Variants in IFT140 observed in about 807,000 individuals in gnomAD.
IFT140 encodes the protein intraflagellar transport 140, also known as intraflagellar transport protein 140 homolog.
A neutral mutation model predicts 164.6 loss-of-function variants in IFT140; 133 were observed. That is an observed-to-expected ratio of 0.81 (90% CI 0.70 to 0.93). The LOEUF (loss-of-function observed/expected upper bound fraction) is 0.93, where lower values mean the gene tolerates loss of function less well. Among genes scored for constraint, IFT140 ranks in the 40% least tolerant of loss-of-function variants. The pLI is 0.00. For missense variants in IFT140, 2,045 were observed against 1,972.3 expected (o/e 1.04, Z -0.70); for synonymous variants, 860 against 817.3 (o/e 1.05, Z -0.89).
chr16:1,567,941 G>A (rs1182569766), intron 15 of IFT140, among the ~76,000 whole-genome samples: 1 of 152,218 alleles, frequency 6.6e-6, no homozygotes, highest in African/African-American at 2.4e-5. Flanking sequence ...ACAAGGAATC[G>A]ACTGTTTCGA....
intron 12 of IFT140, among the ~76,000 whole-genome samples, chr16:1,581,277 C>G (rs1359973719): frequency 1.3e-5 from 2 of 152,144 alleles, no homozygotes; most frequent in Non-Finnish European, 2.9e-5. Context: ...TTGCCATCAA[C>G]CACAATTACT....
chr16:1,579,294 T>G (rs144338923), intron 13 of IFT140: 2 of 152,118 alleles, frequency 1.3e-5, no homozygotes, highest in African/African-American at 4.8e-5. Flanking sequence ...GTTGCTGATC[T>G]TGGTGTCTCG....
intron 14 of IFT140, among the ~76,000 whole-genome samples, chr16:1,570,557 G>T (rs528774415): frequency 6.6e-6 from 1 of 152,250 alleles, no homozygotes; most frequent in South Asian, 2.1e-4. Context: ...ACCCCTGTGG[G>T]GAGCAGAATT....
At chr16:1,525,778 C>G in intron 21 of IFT140, 109 bp downstream of exon 21, 1 of 1,127,832 alleles carries the variant, frequency 8.9e-7, no homozygotes, top group South Asian at 1.7e-5. Context: ...CTGAGACAGA[C>G]GCCTCCTCTA....
chr16:1,595,931 C>A (rs1056394463), intron 4 of IFT140, among the ~76,000 whole-genome samples: 9 of 151,992 alleles, frequency 5.9e-5, no homozygotes, highest in African/African-American at 2.2e-4. Flanking sequence ...TGCACGCCTG[C>A]TGTAATCCCA....
chr16:1,594,689 T>C (rs1392391310), intron 4 of IFT140, among the ~76,000 whole-genome samples: 3 of 151,620 alleles, frequency 2.0e-5, no homozygotes, highest in African/African-American at 2.4e-5. Context: ...GCGAGTGGAG[T>C]TCGGGAAGGG....
intron 13 of IFT140, among the ~76,000 whole-genome samples, chr16:1,574,993 T>G (rs1359316702): frequency 6.6e-6 from 1 of 152,176 alleles, no homozygotes; most frequent in African/African-American, 2.4e-5. Flanking sequence ...AGAAGGGTCA[T>G]GAGGGATCAC....
In IFT140 at chr16:1,510,865, C is replaced by A. The variant is rs2040116973; in HGVS notation, c.*79G>T. 3 of 1,301,396 alleles carry A rather than the reference C, an allele frequency of 2.3e-6. No individual in the cohort carries two copies. The highest frequency in any genetic ancestry group is 3.3e-6 in the Non-Finnish European group (3 of 921,034). 80.6% of individuals were successfully genotyped at this position (1,301,396 alleles called of 1,614,324 possible). ...GACATGTTTTTTCCCAGCAAAAATG[C>A]TGGCTTTGCCACAGCTGACAAAAAA... On this transcript the variant is annotated 3_prime_UTR_variant, in exon 31 of 31. Transcript: ENST00000426508.
intron 3 of IFT140, among the ~76,000 whole-genome samples, chr16:1,604,951 C>CA (rs2035985638): frequency 6.6e-6 from 1 of 151,928 alleles, no homozygotes; most frequent in Non-Finnish European, 1.5e-5. Flanking sequence ...GGGTGGGGGA[C>CA]AATTTCAGTT....
At position 1,564,155 on chromosome 16, in the gene IFT140, G is replaced by A; in HGVS notation, c.1909C>T (p.Leu637Phe). 1.3e-6 allele frequency: 2 copies of A among 1,571,208 alleles called. No homozygotes were observed. Among genetic ancestry groups the A allele is most frequent in the Non-Finnish European group, 1.7e-6 (2 of 1,149,916 alleles). ...FNEQETNKSHLFVDEGLKNYV... is the reference protein window; with the variant it reads ...FNEQETNKSHFFVDEGLKNYV... ...TTTTTCAGTCCCTCATCCACAAAGA[G>A]GTGGCTCCTAAAAGACAAAGGAAGA... The change falls in exon 17 of 31, where the codon CTC becomes TTC. Residue 637 changes from leucine (L) to phenylalanine (F), a missense_variant. Coordinates refer to ENST00000426508, the MANE Select transcript of IFT140 (RefSeq NM_014714.4). This position sits in a 1 kb window ranked among gnomAD's most constrained non-coding sequence, Gnocchi z 5.5.
intron 26 of IFT140, among the ~76,000 whole-genome samples, chr16:1,522,654 C>A (rs979481044): frequency 5.9e-5 from 9 of 152,166 alleles, no homozygotes; most frequent in African/African-American, 2.2e-4. Context: ...TCCTGGCCAA[C>A]GTGGTGGAAC....
chr16:1,539,119 G>A (rs902249628), intron 19 of IFT140, among the ~76,000 whole-genome samples: 2 of 146,122 alleles, frequency 1.4e-5, no homozygotes, highest in African/African-American at 5.1e-5. Context: ...TCAGCAAGCT[G>A]CAGAGTGCCA....
chr16:1,581,734 G>A (rs1172527413), intron 12 of IFT140, among the ~76,000 whole-genome samples: 2 of 120,284 alleles, frequency 1.7e-5, no homozygotes, highest in Non-Finnish European at 3.5e-5. Context: ...GGGAGGGGAG[G>A]AGCGGGGGAG....
chr16:1,583,503 A>T, intron 11 of IFT140, 117 bp from the exon 12 acceptor site: 1 of 741,142 alleles, frequency 1.3e-6, no homozygotes, highest in Admixed American at 2.4e-5. Context: ...CTGCTCCATC[A>T]TCCTACGACT....
chr16:1,575,235 C>G (rs1034308465), intron 13 of IFT140, among the ~76,000 whole-genome samples: 9 of 151,548 alleles, frequency 5.9e-5, no homozygotes, highest in Non-Finnish European at 8.8e-5. Context: ...ATTAGCCAGG[C>G]ATGGTGATTG....
At chr16:1,541,859 G>A (rs887723351) in intron 19 of IFT140, 38 of 1,487,004 alleles carry the variant, frequency 2.6e-5, no homozygotes, top group Admixed American at 2.0e-4. Context: ...GTGGCGTGAC[G>A]GCTGGCGTGG....
At chr16:1,588,135 T>A in intron 7 of IFT140, 111 bp from the exon 8 acceptor site, 2 of 783,272 alleles carry the variant, frequency 2.6e-6, no homozygotes, top group East Asian at 5.4e-5. Context: ...ACTCACCAAG[T>A]GGGGGAAACA....
In IFT140 at chr16:1,551,891, G is replaced by A. The variant is rs926187805; in HGVS notation, c.2399+6044C>T. 2.6e-5 allele frequency among the ~76,000 whole-genome samples: 4 copies of A among 152,152 alleles called. No individual in the cohort carries two copies. The highest frequency in any genetic ancestry group is 5.9e-5 in the Non-Finnish European group (4 of 68,024). ...GAAAGCCACTGTAAATCCGAGCTGT[G>A]CACTCAGAAGCCTCCCGGGTGTGTC... On this transcript the variant is annotated intron_variant, in intron 19 of 30. Transcript: ENST00000426508. The surrounding 1 kb of genome is among the most constrained non-coding windows in gnomAD (Gnocchi z 4.0).
chr16:1,594,670 C>T (rs2035359725), intron 4 of IFT140, among the ~76,000 whole-genome samples: 1 of 152,234 alleles, frequency 6.6e-6, no homozygotes, highest in South Asian at 2.1e-4. Context: ...CTGCGCGGCA[C>T]AGACAGGTGC....
Sources: allele counts gnomAD v4.1 joint callset (sites outside exome capture counted in the v4.1 genomes callset), GRCh38; gene constraint gnomAD v4.1.1; non-coding constraint Gnocchi (gnomAD v3.1); transcripts MANE v1.5; gene names NCBI Gene and HGNC (gene_info 2026-07-23, HGNC 2026-07-21).